ANGPT4: variants seen among roughly 807,000 people sequenced by gnomAD.
ANGPT4 encodes the protein angiopoietin-4.
In ANGPT4, 50 loss-of-function variants were observed where a neutral mutation model predicts 53.0. The ratio of observed to expected loss-of-function variants is 0.94; its 90% CI spans 0.75 to 1.20. The LOEUF (loss-of-function observed/expected upper bound fraction) is 1.20, where lower values mean the gene tolerates loss of function less well. Among genes scored for constraint, ANGPT4 ranks in the 50% most tolerant of loss-of-function variants. ANGPT4 has a pLI of 0.00. For missense variants in ANGPT4, 648 were observed against 637.1 expected (o/e 1.02, Z -0.18); for synonymous variants, 251 against 259.7 (o/e 0.97, Z 0.32).
chr20:888,063 G>C (rs777711672), intron 3 of ANGPT4, among the ~76,000 whole-genome samples: 1 of 152,054 alleles, frequency 6.6e-6, no homozygotes, highest in Non-Finnish European at 1.5e-5. Flanking sequence ...CTCCAACCCT[G>C]GTTTCAGTCC....
chr20:915,227 C>T (rs931784911), intron 1 of ANGPT4, among the ~76,000 whole-genome samples: 2 of 151,820 alleles, frequency 1.3e-5, no homozygotes, highest in South Asian at 2.1e-4. Flanking sequence ...TCCAGTGGCC[C>T]CCCCCCCAGC....
chr20:886,240 G>A (rs1981615701), intron 3 of ANGPT4, among the ~76,000 whole-genome samples: 1 of 152,172 alleles, frequency 6.6e-6, no homozygotes, highest in Non-Finnish European at 1.5e-5. Context: ...ATGAGATATG[G>A]AAATGTTACT....
Position 916,120 on chromosome 20 carries a change from C to T in ANGPT4, c.95G>A (p.Gly32Asp). 1 of 1,614,196 alleles carries T rather than the reference C, an allele frequency of 6.2e-7. No homozygotes were observed. The highest frequency in any genetic ancestry group is 8.5e-7 in the Non-Finnish European group (1 of 1,180,026). ...AQQTRQEADR[G>D]CETLVVQHGH... ...GTGCTGGACTACAAGTGTCTCGCAG[C>T]CCCTATCCGCCTCCTGCCTTGTCTG... The change falls in exon 1 of 9, where the codon GGC becomes GAC. Residue 32 changes from glycine (G) to aspartate (D), a missense_variant. Physicochemically the swap from Gly to Asp is moderately conservative, Grantham distance 94. Transcript: ENST00000381922.
At chr20:910,359 TCA>T in intron 1 of ANGPT4, among the ~76,000 whole-genome samples, 1 of 152,292 alleles carries the variant, frequency 6.6e-6, no homozygotes, top group South Asian at 2.1e-4. Flanking sequence ...CATCCTCCAC[TCA>T]TTCTGGGAGG....
intron 1 of ANGPT4, among the ~76,000 whole-genome samples, chr20:907,571 A>G (rs1396105373): frequency 6.6e-6 from 1 of 152,222 alleles, no homozygotes; most frequent in Non-Finnish European, 1.5e-5. Flanking sequence ...TTATGTGGTC[A>G]GCACTGTTCT....
intron 1 of ANGPT4, among the ~76,000 whole-genome samples, chr20:896,875 T>G (rs776011994): frequency 6.6e-6 from 1 of 152,212 alleles, no homozygotes; most frequent in Non-Finnish European, 1.5e-5. Context: ...TATCTTACTA[T>G]GTGTCAGGAC....
chr20:897,043 C>A (rs6077336), intron 1 of ANGPT4, among the ~76,000 whole-genome samples: 1 of 152,192 alleles, frequency 6.6e-6, no homozygotes, highest in Non-Finnish European at 1.5e-5. Context: ...CACCAAGCAC[C>A]TTGTGACCCC....
chr20:872,071 A>C lies in ANGPT4; in HGVS notation c.*889T>G, dbSNP rs1461568277. On this transcript the variant is annotated 3_prime_UTR_variant, in exon 9 of 9. Coordinates refer to ENST00000381922, the MANE Select transcript of ANGPT4 (RefSeq NM_015985.4). ...AACCGAGCCCATTTTCAAATAAGTA[A>C]ATTTGGAGAAAGCTGCCCACTCTAG... 2.0e-5 allele frequency: 3 copies of C among 152,118 alleles called. No homozygotes were observed. Among genetic ancestry groups the C allele is most frequent in the African/African-American group, 7.2e-5 (3 of 41,408 alleles). 9.4% of individuals were successfully genotyped at this position (152,118 alleles called of 1,614,324 possible).
chr20:888,798 T>C (rs890566548), intron 2 of ANGPT4, among the ~76,000 whole-genome samples: 1 of 152,128 alleles, frequency 6.6e-6, no homozygotes, highest in Non-Finnish European at 1.5e-5. Flanking sequence ...CCTGGACTGC[T>C]CCCTCATTGC....
chr20:901,890 C>G (rs761038613), intron 1 of ANGPT4, among the ~76,000 whole-genome samples: 4 of 152,034 alleles, frequency 2.6e-5, no homozygotes, highest in Admixed American at 2.0e-4. Flanking sequence ...CCAGCCTGGG[C>G]GACAGAGCAA....
At chr20:878,511 G>A (rs1981263636) in intron 6 of ANGPT4, among the ~76,000 whole-genome samples, 184 bp from the exon 7 acceptor site, 1 of 152,248 alleles carries the variant, frequency 6.6e-6, no homozygotes, top group South Asian at 2.1e-4. Context: ...AGAGGGAAAA[G>A]ACTAAGGCTT....
chr20:913,951 C>T lies in ANGPT4; in HGVS notation c.309+1955G>A, dbSNP rs555407892. Among the ~76,000 whole-genome samples, 33 of 152,296 alleles carry T rather than the reference C, an allele frequency of 2.2e-4. No homozygotes were observed. The Middle Eastern group carries it at 0.014, about 63-fold the overall frequency. ...GTCTCAGGCAGCTTTGGAGTTGAGA[C>T]ACCCATGGACCCTCAGGGAGGTGTT... On this transcript the variant is annotated intron_variant, in intron 1 of 8. Coordinates refer to ENST00000381922, the MANE Select transcript of ANGPT4 (RefSeq NM_015985.4).
intron 3 of ANGPT4, among the ~76,000 whole-genome samples, chr20:885,773 T>A (rs960322993): frequency 6.6e-6 from 1 of 152,116 alleles, no homozygotes; most frequent in Non-Finnish European, 1.5e-5. Context: ...TCCCTGGAAA[T>A]GTTCCGCAGT....
At chr20:889,636 T>G (rs905796701) in intron 2 of ANGPT4, among the ~76,000 whole-genome samples, 3 of 152,172 alleles carry the variant, frequency 2.0e-5, no homozygotes, top group Admixed American at 1.3e-4. Flanking sequence ...CAGGGGAAGC[T>G]TCACAGGAGT....
intron 2 of ANGPT4, among the ~76,000 whole-genome samples, chr20:889,561 T>G (rs1981754379): frequency 6.6e-6 from 1 of 152,228 alleles, no homozygotes; most frequent in African/African-American, 2.4e-5. Flanking sequence ...GTTGTCTATG[T>G]GGCAAGTTGT....
chr20:909,787 G>A (rs529262083), intron 1 of ANGPT4, among the ~76,000 whole-genome samples: 21 of 152,326 alleles, frequency 1.4e-4, no homozygotes, highest in Admixed American at 2.0e-4. Context: ...GCCTACACTC[G>A]GCTTCTGTGG....
chr20:889,194 G>A (rs867959008), intron 2 of ANGPT4, among the ~76,000 whole-genome samples: 15 of 127,294 alleles, frequency 1.2e-4, no homozygotes, highest in Non-Finnish European at 8.3e-5. Flanking sequence ...CACTCCCAAT[G>A]CACCCCCTCT....
Position 872,950 on chromosome 20 carries a change from C to T in ANGPT4, c.*10G>A, listed in dbSNP as rs1981002021. On this transcript the variant is annotated 3_prime_UTR_variant, in exon 9 of 9. Transcript: ENST00000381922. Reference sequence around the variant, plus strand: ...CTCCTGTGTGGTCCAGCCTCTGGCACAGCTGCTCGTTAGATGTCCAAAGGC... The same window carrying T: ...CTCCTGTGTGGTCCAGCCTCTGGCATAGCTGCTCGTTAGATGTCCAAAGGC... 2 of 1,613,608 alleles carry T rather than the reference C, an allele frequency of 1.2e-6. No individual in the cohort carries two copies. Among genetic ancestry groups the T allele is most frequent in the Non-Finnish European group, 1.7e-6 (2 of 1,179,926 alleles).
chr20:892,741 C>T (rs960807145), intron 1 of ANGPT4, among the ~76,000 whole-genome samples: 4 of 152,244 alleles, frequency 2.6e-5, no homozygotes, highest in Middle Eastern at 3.4e-3. Flanking sequence ...GATGTGATCA[C>T]GGCTCACTGC....
Sources: allele counts gnomAD v4.1 joint callset (sites outside exome capture counted in the v4.1 genomes callset), GRCh38; gene constraint gnomAD v4.1.1; transcripts MANE v1.5; gene names NCBI Gene and HGNC (gene_info 2026-07-23, HGNC 2026-07-21).